The following ZNF81 variants were observed in gnomAD, a reference collection of about 807,000 sequenced individuals.
The protein encoded by ZNF81 is zinc finger protein 81 (HFZ20).
Under a neutral mutation model 32.3 loss-of-function variants are expected in ZNF81, and 5 were observed. The observed-to-expected ratio is 0.15, with a 90% confidence interval of 0.08 to 0.33. The LOEUF (loss-of-function observed/expected upper bound fraction) is 0.33. ZNF81 is among the 10% of genes least tolerant of loss of function. ZNF81 has a pLI of 1.00. For missense variants in ZNF81, 379 were observed against 479.8 expected, an observed-to-expected ratio of 0.79 and a Z score of 1.96; for synonymous variants, 163 against 166.8, an observed-to-expected ratio of 0.98 and a Z score of 0.17.
intron 2 of ZNF81, among the ~76,000 whole-genome samples, chrX:47,861,589 T>G (rs2058540732): frequency 8.9e-6 from 1 of 111,771 alleles, no homozygotes; most frequent in Non-Finnish European, 1.9e-5. Context: ...TCAGCAGTGC[T>G]CCAAGCAGCA....
intron 2 of ZNF81, among the ~76,000 whole-genome samples, chrX:47,876,402 G>A (rs1024776219): frequency 1.4e-4 from 16 of 112,330 alleles, no homozygotes; most frequent in East Asian, 2.8e-4. Flanking sequence ...TGTCCTTGAT[G>A]AGTGCCTGCA....
rs191398988 is a variant in ZNF81 at position 47,910,356 on chromosome X, A to C, written c.278-4568A>C. 5.5e-3 allele frequency among the ~76,000 whole-genome samples: 617 copies of C among 112,045 alleles called. 5 individuals are homozygous for C. Among genetic ancestry groups the C allele is most frequent in the African/African-American group, 0.019 (581 of 30,828 alleles). ...GCTCATCTGACAAAGGGCTAATATCAAGAATCTACAATGAACTCAAACAAA... is the reference window on the plus strand; with the variant it reads ...GCTCATCTGACAAAGGGCTAATATCCAGAATCTACAATGAACTCAAACAAA... On this transcript the variant is annotated intron_variant, in intron 4 of 4. Coordinates refer to ENST00000338637, the MANE Select transcript of ZNF81 (RefSeq NM_007137.5).
intron 2 of ZNF81, among the ~76,000 whole-genome samples, chrX:47,873,823 T>G (rs1252316909): frequency 2.7e-5 from 3 of 110,790 alleles, no homozygotes; most frequent in African/African-American, 9.9e-5. Flanking sequence ...TGTGCCACCA[T>G]GCCTGGCTAA....
At chrX:47,878,072 C>T (rs1556884750) in intron 2 of ZNF81, among the ~76,000 whole-genome samples, 1 of 111,508 alleles carries the variant, frequency 9.0e-6, no homozygotes, top group Non-Finnish European at 1.9e-5. Context: ...TAGGAGGGGC[C>T]GAGCCGTGAA....
rs550477832 is a variant in ZNF81 at position 47,914,216 on chromosome X, C to T, written c.278-708C>T. On this transcript the variant is annotated intron_variant, in intron 4 of 4. Transcript: ENST00000338637. ...TTATGTTGAATGCCAGCCTCCAACA[C>T]TTAATAACCATGTTTTATGGCAAAT... 3.9e-4 allele frequency among the ~76,000 whole-genome samples: 44 copies of T among 111,666 alleles called. 1 individual carries two copies. In the South Asian group the frequency reaches 8.6e-3, roughly 22 times the overall value.
chrX:47,899,538 G>T (rs2058691375), intron 4 of ZNF81, among the ~76,000 whole-genome samples: 2 of 110,464 alleles, frequency 1.8e-5, no homozygotes, highest in Admixed American at 1.9e-4. Flanking sequence ...TTTCATGAGT[G>T]ATTTGGTTCA....
chrX:47,919,266 G>T lies in ZNF81; in HGVS notation c.*2634G>T, dbSNP rs1556891537. On this transcript the variant is annotated 3_prime_UTR_variant, in exon 5 of 5. Transcript: ENST00000338637. ...CCTTCTTCAGTCTTTATTTCTCTTT[G>T]TGTTTCAGTTAGGATAATTTCTATT... The T allele has an allele frequency of 3.1e-6, 1 of 319,244 alleles. No homozygotes were observed. The highest frequency in any genetic ancestry group is 6.1e-6 in the Non-Finnish European group (1 of 165,209). 26.3% of individuals were successfully genotyped at this position (319,244 alleles called of 1,213,427 possible).
chrX:47,838,589 G>C (rs782454218), intron 1 of ZNF81, among the ~76,000 whole-genome samples: 108 of 110,736 alleles, frequency 9.8e-4, no homozygotes, highest in African/African-American at 3.5e-3. Context: ...TAGCTTGTCA[G>C]TATGGAGGGT....
chrX:47,840,922 C>T, intron 1 of ZNF81: 1 of 467,290 alleles, frequency 2.1e-6, no homozygotes, highest in Non-Finnish European at 3.8e-6. Flanking sequence ...CACATGCTTC[C>T]ACTTCATTGA....
intron 1 of ZNF81, among the ~76,000 whole-genome samples, chrX:47,844,529 T>G (rs2058462899): frequency 8.9e-6 from 1 of 112,545 alleles, no homozygotes. Context: ...TGTTATAATA[T>G]TCCATTGTGT....
chrX:47,900,506 TA>T (rs2058694798), intron 4 of ZNF81, among the ~76,000 whole-genome samples: 1 of 111,944 alleles, frequency 8.9e-6, no homozygotes, highest in African/African-American at 3.2e-5. Flanking sequence ...GCCAGACAGA[TA>T]AAAAATTGTT....
chrX:47,924,078 T>C lies in ZNF81; in HGVS notation c.*7446T>C, dbSNP rs1556892375. 2.7e-5 allele frequency among the ~76,000 whole-genome samples: 3 copies of C among 111,781 alleles called. No individual in the cohort carries two copies. The highest frequency in any genetic ancestry group is 9.8e-5 in the African/African-American group (3 of 30,715). ...CTCAGATTTTCCTGAAAGCTCTGAT[T>C]TATCCACCCATGCTAATGTCTCAAA... On this transcript the variant is annotated 3_prime_UTR_variant, in exon 5 of 5. Transcript: ENST00000338637.
chrX:47,920,376 C>T lies in ZNF81; in HGVS notation c.*3744C>T, dbSNP rs782045423. 9.0e-6 allele frequency: 1 copy of T among 110,785 alleles called. No individual in the cohort carries two copies. The highest frequency in any genetic ancestry group is 3.9e-4 in the South Asian group (1 of 2,581). 9.1% of individuals were successfully genotyped at this position (110,785 alleles called of 1,213,427 possible). A position where few individuals can be genotyped will look rare whatever the true frequency, so the allele number is the denominator to read the frequency against. ...TGGTGAGTTGGGGGGCAGGGGTTGT[C>T]TTGGGCCAGCCTCAGTTTTTGTCAG... On this transcript the variant is annotated 3_prime_UTR_variant, in exon 5 of 5. Transcript: ENST00000338637.
rs782657890 is a variant in ZNF81 at position 47,914,984 on chromosome X, G to A, written c.338G>A (p.Ser113Asn). 8.3e-7 allele frequency: 1 copy of A among 1,204,258 alleles called. No homozygotes were observed. The highest frequency in any genetic ancestry group is 1.1e-6 in the Non-Finnish European group (1 of 890,728). Residue 113 changes from serine (S) to asparagine (N), a missense_variant, in exon 5 of 5, where the codon AGT (serine) becomes AAT (asparagine). Coordinates refer to ENST00000338637, the MANE Select transcript of ZNF81 (RefSeq NM_007137.5). ...ATTTCTGGGAAATCTACATTTCATAGTGAAATGGAGGGTGAAGACACAAGA... is the reference window on the plus strand; with the variant it reads ...ATTTCTGGGAAATCTACATTTCATAATGAAATGGAGGGTGAAGACACAAGA... ...RRISGKSTFH[S>N]EMEGEDTRDD...
chrX:47,901,728 A>G (rs2058698886), intron 4 of ZNF81, among the ~76,000 whole-genome samples: 1 of 96,041 alleles, frequency 1.0e-5, no homozygotes, highest in South Asian at 5.0e-4. Context: ...CTTAATCTCC[A>G]TGTCTTTGAG....
At chrX:47,861,454 C>T (rs1210360792) in intron 2 of ZNF81, among the ~76,000 whole-genome samples, 1 of 112,148 alleles carries the variant, frequency 8.9e-6, no homozygotes, top group Admixed American at 9.5e-5. Flanking sequence ...CTTGTTTCTA[C>T]ACTGTCTTTG....
rs1403149018 is a variant in ZNF81, at chrX:47,915,917, C to T, written c.1271C>T (p.Thr424Ile). ...HKCSECGKAF[T>I]QKSTLRMHQR... Reference sequence around the variant, plus strand: ...TGCAGTGAGTGTGGGAAAGCCTTTACCCAAAAATCAACACTCAGGATGCAT... The same window carrying T: ...TGCAGTGAGTGTGGGAAAGCCTTTATCCAAAAATCAACACTCAGGATGCAT... The change falls in exon 5 of 5, where the codon ACC becomes ATC. Residue 424 changes from threonine (T) to isoleucine (I), a missense_variant. Physicochemically the swap from Thr to Ile is moderately conservative, Grantham distance 89 (BLOSUM62 -1). Around this residue, in one of 2 missense-constraint regions of ZNF81, gnomAD observed 277 missense variants for 306.6 expected, o/e 0.90. Transcript: ENST00000338637. 3 of 1,207,962 alleles carry T rather than the reference C, an allele frequency of 2.5e-6. No homozygotes were observed. The highest frequency in any genetic ancestry group is 3.5e-5 in the African/African-American group (2 of 56,868).
intron 2 of ZNF81, among the ~76,000 whole-genome samples, chrX:47,886,639 A>G (rs59650785): frequency 0.02 from 1,945 of 97,571 alleles, 55 homozygotes; most frequent in African/African-American, 0.073. Flanking sequence ...TCACTCTGTC[A>G]CCCAGGCTGG....
Position 47,895,513 on chromosome X carries a change from A to AT in ZNF81, c.182-331dup, listed in dbSNP as rs1298204325. Among the ~76,000 whole-genome samples the AT allele has an allele frequency of 2.7e-5, 3 of 112,045 alleles. No homozygotes were observed. In the Admixed American group the frequency reaches 2.8e-4, roughly 11 times the overall value. On this transcript the variant is annotated intron_variant, in intron 3 of 4. Coordinates refer to ENST00000338637, the MANE Select transcript of ZNF81 (RefSeq NM_007137.5). Reference sequence around the variant, plus strand: ...CTCTCCTAGATCCATCAGAGAGAGCATGACCCTGCTGACACCTTGATTTTG... The same window carrying AT: ...CTCTCCTAGATCCATCAGAGAGAGCATTGACCCTGCTGACACCTTGATTTTG...
Sources: gnomAD v4.1 joint callset for allele counts (sites outside exome capture counted in the v4.1 genomes callset) on GRCh38, gnomAD v4.1.1 for gene constraint, gnomAD v4.1.1 regional missense constraint, MANE v1.5 for transcripts, NCBI Gene and HGNC (gene_info 2026-07-23, HGNC 2026-07-21) for gene names.